PXDN: variants seen among roughly 807,000 people sequenced by gnomAD.
PXDN encodes the protein peroxidasin homolog.
Under a neutral mutation model 140.3 loss-of-function variants are expected in PXDN, and 77 were observed. The ratio of observed to expected loss-of-function variants is 0.55; its 90% confidence interval spans 0.46 to 0.66. The LOEUF is 0.66. Ranked by LOEUF, PXDN falls within the 30% of genes least tolerant of loss-of-function variation. The probability of loss-of-function intolerance (pLI) is 0.00; values close to 1 mark genes in which losing one functional copy is unlikely to be tolerated. For synonymous variants in PXDN, 911 were observed against 857.4 expected, an observed-to-expected ratio of 1.06 and a Z score of -1.09; for missense variants, 1,838 against 2,039.5, an observed-to-expected ratio of 0.90 and a Z score of 1.90.
chr2:1,744,335 G>A lies in PXDN; in HGVS notation c.121C>T (p.Leu41=). 1 of 1,528,164 alleles carries A rather than the reference G, an allele frequency of 6.5e-7. No individual in the cohort carries two copies. Among genetic ancestry groups the A allele is most frequent in the Non-Finnish European group, 8.7e-7 (1 of 1,143,856 alleles). 94.7% of individuals were successfully genotyped at this position (1,528,164 alleles called of 1,614,324 possible). A position where few individuals can be genotyped will look rare whatever the true frequency, so the allele number is the denominator to read the frequency against. Residue 41 remains leucine (L), a synonymous_variant, in exon 1 of 23, where the codon CTG becomes TTG. Coordinates refer to ENST00000252804, the MANE Select transcript of PXDN (RefSeq NM_012293.3). Reference sequence around the variant, plus strand: ...CAGCGCACGGTGGTGCGGAAGCACAGGCAGCGGCTCGGACACCCTGCGCCC... The same window carrying A: ...CAGCGCACGGTGGTGCGGAAGCACAAGCAGCGGCTCGGACACCCTGCGCCC... ...KPGAGCPSRC[L]CFRTTVRCMH...
intron 1 of PXDN, among the ~76,000 whole-genome samples, chr2:1,706,464 C>T (rs1171703141): frequency 6.6e-6 from 1 of 152,216 alleles, no homozygotes. Context: ...CTGCAGTGTT[C>T]ACCAATCAGC....
chr2:1,684,461 T>G (rs905182914), intron 4 of PXDN, among the ~76,000 whole-genome samples: 2 of 152,204 alleles, frequency 1.3e-5, no homozygotes, highest in African/African-American at 4.8e-5. Flanking sequence ...CATTTTCACT[T>G]CCAAAATATA....
chr2:1,721,697 A>G (rs1685056719), intron 1 of PXDN, among the ~76,000 whole-genome samples: 1 of 152,128 alleles, frequency 6.6e-6, no homozygotes, highest in Admixed American at 6.5e-5. Context: ...CTTGGTGGCG[A>G]GCGCCTGTAG....
chr2:1,658,796 C>T lies in PXDN; in HGVS notation c.1837+2085G>A, dbSNP rs779065751. Reference sequence around the variant, plus strand: ...TCATTCTGACCCCAGGACCCCCCCACTCTACTCTCCCAGACCAGGCTGCCC... The same window carrying T: ...TCATTCTGACCCCAGGACCCCCCCATTCTACTCTCCCAGACCAGGCTGCCC... On this transcript the variant is annotated intron_variant, in intron 14 of 22. Coordinates refer to ENST00000252804, the MANE Select transcript of PXDN (RefSeq NM_012293.3). Among the ~76,000 whole-genome samples the T allele has an allele frequency of 2.0e-3, 283 of 138,494 alleles. 6 individuals are homozygous for T. The highest frequency in any genetic ancestry group is 4.8e-4 in the Non-Finnish European group (31 of 64,238). 90.9% of individuals were successfully genotyped at this position (138,494 alleles called of 152,430 possible).
chr2:1,683,968 T>C, intron 5 of PXDN, 112 bp downstream of exon 5: 1 of 1,126,490 alleles, frequency 8.9e-7, no homozygotes, highest in Non-Finnish European at 1.3e-6. Context: ...ATATGGATTT[T>C]ATATTGAAAC....
intron 10 of PXDN, 148 bp downstream of exon 10, chr2:1,666,066 C>T: frequency 8.7e-7 from 1 of 1,147,424 alleles, no homozygotes; most frequent in Non-Finnish European, 1.2e-6. Flanking sequence ...GTATTTAGTC[C>T]AAGGGGGGTG....
At position 1,648,569 on chromosome 2, in the gene PXDN, T is replaced by C. The variant is rs1558488525; in HGVS notation, c.3211A>G (p.Arg1071Gly). ...IFNAFATAAF[R>G]FGHTLVNPLL... is the part of the protein sequence containing the mutation. ...GGGTTGACAAGCGTGTGGCCAAACC[T>C]GAAGGCCGCGGTGGCGAAGGCGTTG... is the stretch of plus-strand genomic sequence containing the variant. The change falls in exon 17 of 23, where the codon AGG becomes GGG. Residue 1071 changes from arginine to glycine, a missense_variant. Arg to Gly is a moderately radical substitution (Grantham distance 125). This residue lies in a region of PXDN where 850 missense variants were observed against 894.1 expected (regional missense o/e 0.95). Coordinates refer to ENST00000252804, the MANE Select transcript of PXDN (RefSeq NM_012293.3). The surrounding 1 kb of genome is among the most constrained non-coding windows in gnomAD (Gnocchi z 8.9). 1.2e-6 allele frequency: 2 copies of C among 1,613,668 alleles called. No homozygotes were observed. The highest frequency in any genetic ancestry group is 2.2e-5 in the East Asian group (1 of 44,868).
At chr2:1,662,517 G>C (rs1440738511) in intron 12 of PXDN, among the ~76,000 whole-genome samples, 1 of 152,188 alleles carries the variant, frequency 6.6e-6, no homozygotes, top group African/African-American at 2.4e-5. Context: ...ACCGATGGTG[G>C]GGCAGTCTCA....
At position 1,638,901 on chromosome 2, in the gene PXDN, T is replaced by A; in HGVS notation, c.4151A>T (p.Asp1384Val). Residue 1384 changes from aspartate (D) to valine (V), a missense_variant, in exon 21 of 23, where the codon GAC becomes GTC. Around this residue, in one of 5 missense-constraint regions of PXDN, gnomAD observed 850 missense variants for 894.1 expected, o/e 0.95. Coordinates refer to ENST00000252804, the MANE Select transcript of PXDN (RefSeq NM_012293.3). ...CATTTCCAGAACAAACTCTCTGAAG[T>A]CATTTGTCCCAGATGCATCTGAGCG... is the stretch of plus-strand genomic sequence containing the variant. ...STRSDASGTN[D>V]FREFVLEMQK... The A allele has an allele frequency of 6.2e-7, 1 of 1,613,950 alleles. No homozygotes were observed. The highest frequency in any genetic ancestry group is 8.5e-7 in the Non-Finnish European group (1 of 1,179,874).
At chr2:1,744,144 G>A (rs1420757751) in intron 1 of PXDN, 112 bp downstream of exon 1, 6 of 1,028,328 alleles carry the variant, frequency 5.8e-6, no homozygotes, top group Non-Finnish European at 7.4e-6. Context: ...GGCCCCCCGC[G>A]CGCCCGATGC....
At chr2:1,715,220 T>C (rs373620170) in intron 1 of PXDN, among the ~76,000 whole-genome samples, 3 of 151,974 alleles carry the variant, frequency 2.0e-5, no homozygotes, top group African/African-American at 7.2e-5. Flanking sequence ...TGCTCCGGGG[T>C]TAAGGGCAAG....
At chr2:1,658,038 CTCTCTCTCTCTCTCTCTCTCTCTCTCT>C (rs1558494246) in intron 14 of PXDN, among the ~76,000 whole-genome samples, 1 of 23,798 alleles carries the variant, frequency 4.2e-5, no homozygotes, top group Non-Finnish European at 9.7e-5. Context: ...CTCTCTCTCT[CTCTCTCTCTCTCTCTCTCTCTCTCTCT>C]CTCTCTCTCT....
intron 1 of PXDN, among the ~76,000 whole-genome samples, chr2:1,733,890 A>G (rs1214132370): frequency 2.0e-5 from 3 of 152,214 alleles, no homozygotes; most frequent in African/African-American, 2.4e-5. Flanking sequence ...TTACCAATAG[A>G]GCTGCACTAT....
intron 8 of PXDN, among the ~76,000 whole-genome samples, chr2:1,674,117 C>T (rs1018219743): frequency 2.0e-5 from 3 of 152,200 alleles, no homozygotes; most frequent in African/African-American, 4.8e-5. Context: ...GGAAAAAATT[C>T]CAAGGAAACA....
intron 19 of PXDN, among the ~76,000 whole-genome samples, chr2:1,640,334 T>C (rs565367760): frequency 6.6e-6 from 1 of 152,232 alleles, no homozygotes; most frequent in Non-Finnish European, 1.5e-5. Flanking sequence ...TGCAAAATGC[T>C]AATGTCTCAG....
chr2:1,644,914 T>C (rs1682816786), intron 17 of PXDN, among the ~76,000 whole-genome samples, 162 bp from the exon 18 acceptor site: 1 of 152,222 alleles, frequency 6.6e-6, no homozygotes, highest in Admixed American at 6.5e-5. Context: ...CTCTCCACAA[T>C]GCTTTAAAGG....
chr2:1,664,640 T>C, intron 11 of PXDN: 2 of 279,312 alleles, frequency 7.2e-6, no homozygotes, highest in Non-Finnish European at 1.3e-5. Context: ...AGAGGCTACT[T>C]AAAAGCACAT....
chr2:1,700,207 G>A (rs550198770), intron 1 of PXDN, among the ~76,000 whole-genome samples: 56 of 152,138 alleles, frequency 3.7e-4, no homozygotes, highest in African/African-American at 1.2e-3. Context: ...GATTACAGGC[G>A]CATGCCACTG....
At chr2:1,722,705 T>C (rs906333807) in intron 1 of PXDN, among the ~76,000 whole-genome samples, 2 of 152,252 alleles carry the variant, frequency 1.3e-5, no homozygotes, top group African/African-American at 4.8e-5. Context: ...AGCTATCTCC[T>C]TCTCTATAAC....
Sources: allele counts gnomAD v4.1 joint callset (sites outside exome capture counted in the v4.1 genomes callset), GRCh38; gene constraint gnomAD v4.1.1; regional missense constraint gnomAD v4.1.1; non-coding constraint Gnocchi (gnomAD v3.1); transcripts MANE v1.5; gene names NCBI Gene and HGNC (gene_info 2026-07-23, HGNC 2026-07-21).